CDH4: variants seen among roughly 807,000 people sequenced by gnomAD.
CDH4 encodes the protein cadherin 4, also known as cadherin-4.
Under a neutral mutation model 86.0 loss-of-function variants are expected in CDH4, and 33 were observed. The observed-to-expected ratio is 0.38, with a 90% CI of 0.29 to 0.51. CDH4 has a LOEUF of 0.51. CDH4 is among the 20% of genes least tolerant of loss of function. CDH4 has a pLI of 0.86. For missense variants in CDH4, 1,114 were observed against 1,307.4 expected (o/e 0.85, Z 2.28); for synonymous variants, 555 against 549.4 (o/e 1.01, Z -0.14).
intron 7 of CDH4, among the ~76,000 whole-genome samples, chr20:61,878,050 AG>A (rs1322114075): frequency 6.6e-6 from 1 of 152,020 alleles, no homozygotes. Flanking sequence ...CATCCCAGAG[AG>A]GACAACAGGC....
chr20:61,414,754 G>T (rs1236335281), intron 2 of CDH4, among the ~76,000 whole-genome samples: 2 of 152,192 alleles, frequency 1.3e-5, no homozygotes, highest in African/African-American at 4.8e-5. Context: ...CACTCAGGAA[G>T]TCCCTCCAGA....
chr20:61,888,347 G>A (rs1984639630), intron 7 of CDH4, among the ~76,000 whole-genome samples: 1 of 152,206 alleles, frequency 6.6e-6, no homozygotes, highest in South Asian at 2.1e-4. Flanking sequence ...CTACCTAGAG[G>A]CAGAGCCAAC....
chr20:61,566,290 G>A (rs184262326), intron 2 of CDH4, among the ~76,000 whole-genome samples: 24 of 152,288 alleles, frequency 1.6e-4, no homozygotes, highest in Middle Eastern at 3.4e-3. Flanking sequence ...AGTGTTTCTC[G>A]CCTTTCCGTT....
intron 5 of CDH4, among the ~76,000 whole-genome samples, chr20:61,848,267 T>C (rs969208153): frequency 9.2e-5 from 14 of 152,174 alleles, no homozygotes; most frequent in Non-Finnish European, 1.5e-5. Context: ...CCCAGGGCGG[T>C]GGGGGTGGGG....
At chr20:61,726,631 AC>A (rs2088114905) in intron 2 of CDH4, among the ~76,000 whole-genome samples, 1 of 151,880 alleles carries the variant, frequency 6.6e-6, no homozygotes, top group African/African-American at 2.4e-5. Flanking sequence ...CATCATCATC[AC>A]CATCAGTCCC....
chr20:61,643,113 G>T (rs1474091993), intron 2 of CDH4, among the ~76,000 whole-genome samples: 1 of 152,188 alleles, frequency 6.6e-6, no homozygotes, highest in Non-Finnish European at 1.5e-5. Context: ...AGTTCTGGAG[G>T]CTGTGAAGTC....
chr20:61,688,468 G>A (rs2087613466), intron 2 of CDH4, among the ~76,000 whole-genome samples: 1 of 152,178 alleles, frequency 6.6e-6, no homozygotes, highest in Non-Finnish European at 1.5e-5. Context: ...AACACATTCA[G>A]GGTCTTCACG....
chr20:61,699,043 G>A (rs2087744953), intron 2 of CDH4, among the ~76,000 whole-genome samples: 1 of 152,262 alleles, frequency 6.6e-6, no homozygotes, highest in South Asian at 2.1e-4. Context: ...ACAGTGGCTG[G>A]TCATGTGGAA....
rs566422121 is a variant in CDH4, at chr20:61,804,483, G to A, written c.576+31301G>A. On this transcript the variant is annotated intron_variant, in intron 4 of 15. Transcript: ENST00000614565. ...CCTGGAGGTCAGCCACACCCGGGGG[G>A]CAGCTCTGCTGTCTGGACCTCTGAG... Among the ~76,000 whole-genome samples, 87 of 152,316 alleles carry A rather than the reference G, an allele frequency of 5.7e-4. 1 individual carries two copies. Among genetic ancestry groups the A allele is most frequent in the African/African-American group, 2.0e-3 (84 of 41,574 alleles).
intron 2 of CDH4, chr20:61,718,316 A>G (rs2087988229): frequency 6.0e-6 from 1 of 165,910 alleles, no homozygotes; most frequent in African/African-American, 2.4e-5. Flanking sequence ...GGCGCTGCCA[A>G]GCCACACTCG....
intron 2 of CDH4, among the ~76,000 whole-genome samples, chr20:61,283,846 A>T (rs769375178): frequency 6.6e-4 from 100 of 152,198 alleles, no homozygotes; most frequent in South Asian, 1.4e-3. Flanking sequence ...GTGCCAATTT[A>T]TATTCCCAGC....
intron 8 of CDH4, among the ~76,000 whole-genome samples, chr20:61,905,739 A>G (rs1193013448): frequency 1.3e-5 from 2 of 152,152 alleles, no homozygotes; most frequent in African/African-American, 4.8e-5. Flanking sequence ...GCATGTCCCT[A>G]GGTCACTTAC....
intron 2 of CDH4, among the ~76,000 whole-genome samples, chr20:61,685,726 C>T (rs144960966): frequency 1.9e-4 from 29 of 152,370 alleles, no homozygotes; most frequent in African/African-American, 4.1e-4. Context: ...TCAGAGCATC[C>T]GAGGCACCTG....
At chr20:61,622,049 A>G (rs1429489650) in intron 2 of CDH4, among the ~76,000 whole-genome samples, 1 of 152,236 alleles carries the variant, frequency 6.6e-6, no homozygotes, top group African/African-American at 2.4e-5. Flanking sequence ...GTCTTGCCCT[A>G]TCACGGCAGG....
intron 4 of CDH4, among the ~76,000 whole-genome samples, chr20:61,813,996 C>G (rs1036930267): frequency 2.1e-4 from 32 of 152,306 alleles, no homozygotes; most frequent in South Asian, 1.0e-3. Context: ...GGGCTGGCTC[C>G]CAGGCCATCC....
At chr20:61,895,888 T>C (rs1392413131) in intron 8 of CDH4, among the ~76,000 whole-genome samples, 5 of 152,168 alleles carry the variant, frequency 3.3e-5, no homozygotes, top group Admixed American at 6.5e-5. Flanking sequence ...GCTGACATCA[T>C]GGGCACGTGG....
chr20:61,685,694 G>C (rs944372495), intron 2 of CDH4, among the ~76,000 whole-genome samples: 3 of 152,234 alleles, frequency 2.0e-5, no homozygotes, highest in South Asian at 2.1e-4. Context: ...ACTGTCCTCA[G>C]ACCCCTTCCC....
intron 2 of CDH4, chr20:61,719,832 T>C (rs1256873203): frequency 6.6e-6 from 1 of 152,290 alleles, no homozygotes; most frequent in Non-Finnish European, 1.5e-5. Context: ...CGCTTGTAAT[T>C]GTTTTTTAAA....
At chr20:61,773,977 G>A (rs950607494) in intron 4 of CDH4, among the ~76,000 whole-genome samples, 15 of 152,202 alleles carry the variant, frequency 9.9e-5, no homozygotes, top group African/African-American at 3.6e-4. Context: ...CACCAGGCAG[G>A]GTCCCCCCAA....
Sources: allele counts gnomAD v4.1 joint callset (sites outside exome capture counted in the v4.1 genomes callset), GRCh38; gene constraint gnomAD v4.1.1; transcripts MANE v1.5; gene names NCBI Gene and HGNC (gene_info 2026-07-23, HGNC 2026-07-21).